CYP4Z1: variants seen among roughly 807,000 people sequenced by gnomAD.
The protein encoded by CYP4Z1 is cytochrome P450 family 4 subfamily Z member 1, also known as cytochrome P450 4Z1.
CYP4Z1 carries 41 observed loss-of-function variants against 54.2 expected under a neutral mutation model. The observed-to-expected ratio is 0.76, with a 90% CI of 0.59 to 0.98. The LOEUF is 0.98. CYP4Z1 is among the 50% of genes least tolerant of loss of function. CYP4Z1 has a pLI of 0.00. For missense variants in CYP4Z1, 513 were observed against 599.0 expected (o/e 0.86, Z 1.50); for synonymous variants, 163 against 206.2 (o/e 0.79, Z 1.79).
At chr1:47,060,402 G>A in the CYP4Z1 span, among the ~76,000 whole-genome samples, 2 of 151,876 alleles carry the variant, frequency 1.3e-5, no homozygotes, top group African/African-American at 4.8e-5. Context: ...ATAAAAGCAG[G>A]GACTGCAATC....
Position 47,099,299 on chromosome 1 carries a change from C to T in CYP4Z1, c.1067+15C>T. 6.4e-7 allele frequency: 1 copy of T among 1,561,082 alleles called. No individual in the cohort carries two copies. The highest frequency in any genetic ancestry group is 8.6e-7 in the Non-Finnish European group (1 of 1,157,174). ...TCTATTACCTGGTAAGACCTGTATT[C>T]CTATTTCATCCTGAATTTTCCCCTT... On this transcript the variant is annotated intron_variant, in intron 8 of 11. Transcript: ENST00000334194.
chr1:47,105,239 A>G (rs1349125911), intron 8 of CYP4Z1, among the ~76,000 whole-genome samples: 1 of 152,138 alleles, frequency 6.6e-6, no homozygotes, highest in Non-Finnish European at 1.5e-5. Flanking sequence ...CTGGGGCTTC[A>G]GGGATGTGGA....
chr1:47,060,768 A>T, the CYP4Z1 span, among the ~76,000 whole-genome samples: 2 of 152,334 alleles, frequency 1.3e-5, no homozygotes, highest in Non-Finnish European at 1.5e-5. Flanking sequence ...TCATTGCCAC[A>T]TGACACATAC....
Position 47,106,216 on chromosome 1 carries a change from C to T in CYP4Z1, c.1156C>T (p.Leu386Phe). 3 of 1,613,834 alleles carry T rather than the reference C, an allele frequency of 1.9e-6. No homozygotes were observed. The highest frequency in any genetic ancestry group is 2.2e-5 in the East Asian group (1 of 44,862). ...YAPVVNISRLLDKPITFPDGR... is the reference protein window; with the variant it reads ...YAPVVNISRLFDKPITFPDGR... ...ACCGGTAGTAAACATATCCCGGTTA[C>T]TCGACAAACCCATCACCTTTCCAGA... is the stretch of plus-strand genomic sequence containing the variant. The change falls in exon 9 of 12, where the codon CTC becomes TTC. Residue 386 changes from leucine (L) to phenylalanine (F), a missense_variant. By Grantham distance (22) the Leu-to-Phe change is conservative. Coordinates refer to ENST00000334194, the MANE Select transcript of CYP4Z1 (RefSeq NM_178134.3).
intron 7 of CYP4Z1, chr1:47,097,009 G>A (rs1004847738): frequency 6.6e-6 from 1 of 151,050 alleles, no homozygotes; most frequent in Non-Finnish European, 1.5e-5. Flanking sequence ...CCCGCACCAC[G>A]TGTCCATGTG....
At position 47,094,740 on chromosome 1, in the gene CYP4Z1, G is replaced by C. The variant is rs999025741; in HGVS notation, c.876+71G>C. The C allele has an allele frequency of 4.5e-6, 5 of 1,101,528 alleles. No individual in the cohort carries two copies. In the African/African-American group the frequency reaches 8.0e-5, roughly 18 times the overall value. The allele number at this position is 1,101,528 out of a possible 1,614,324, so 68.2% of individuals were successfully genotyped here. A position where few individuals can be genotyped will look rare whatever the true frequency, so the allele number is the denominator to read the frequency against. On this transcript the variant is annotated intron_variant, in intron 7 of 11. Coordinates refer to ENST00000334194, the MANE Select transcript of CYP4Z1 (RefSeq NM_178134.3). ...AATAAAGAAATAGGCCGGGCACAGT[G>C]ACTAGCACCTGTAATCCAGCATTTT...
Position 47,082,387 on chromosome 1 carries a change from G to C in CYP4Z1, c.418G>C (p.Val140Leu), listed in dbSNP as rs1288972235. ...TAAATGGAAAAAGCACCGCCAGATTGTGAAACCTGGCTTCAACATCAGCAT... is the reference window on the plus strand; with the variant it reads ...TAAATGGAAAAAGCACCGCCAGATTCTGAAACCTGGCTTCAACATCAGCAT... Reference protein sequence around the residue: ...GSKWKKHRQIVKPGFNISILK... With the variant: ...GSKWKKHRQILKPGFNISILK... Residue 140 changes from valine (V) to leucine (L), a missense_variant, in exon 4 of 12, where the codon GTG (valine) becomes CTG (leucine). Coordinates refer to ENST00000334194, the MANE Select transcript of CYP4Z1 (RefSeq NM_178134.3). 6.2e-7 allele frequency: 1 copy of C among 1,613,624 alleles called. No individual in the cohort carries two copies. The highest frequency in any genetic ancestry group is 8.5e-7 in the Non-Finnish European group (1 of 1,179,802).
At chr1:47,056,682 C>T in the CYP4Z1 span, among the ~76,000 whole-genome samples, 6 of 152,280 alleles carry the variant, frequency 3.9e-5, no homozygotes, top group East Asian at 7.7e-4. Context: ...TAATGGCCTT[C>T]TTTGTCTCTT....
At chr1:47,072,861 C>T (rs1400782937) in intron 2 of CYP4Z1, among the ~76,000 whole-genome samples, 1 of 151,114 alleles carries the variant, frequency 6.6e-6, no homozygotes, top group Non-Finnish European at 1.5e-5. Context: ...AAGATCCTGA[C>T]CATATATAGG....
At chr1:47,089,220 A>C (rs890769416) in intron 6 of CYP4Z1, among the ~76,000 whole-genome samples, 1 of 152,178 alleles carries the variant, frequency 6.6e-6, no homozygotes, top group Non-Finnish European at 1.5e-5. Flanking sequence ...AACATATGTA[A>C]TTACATTAAA....
intron 2 of CYP4Z1, among the ~76,000 whole-genome samples, chr1:47,079,210 G>T (rs952546157): frequency 2.0e-5 from 3 of 152,176 alleles, no homozygotes; most frequent in Admixed American, 1.3e-4. Context: ...AATGCAGGCT[G>T]CCATCTTCAA....
At chr1:47,061,455 A>G in the CYP4Z1 span, among the ~76,000 whole-genome samples, 4 of 152,212 alleles carry the variant, frequency 2.6e-5, no homozygotes, top group African/African-American at 9.7e-5. Flanking sequence ...ATTTCTGGAC[A>G]CATACACCTT....
At chr1:47,116,504 C>T (rs1285240798) in intron 10 of CYP4Z1, 146 bp from the exon 11 acceptor site, 10 of 533,190 alleles carry the variant, frequency 1.9e-5, no homozygotes, top group Admixed American at 9.6e-5. Flanking sequence ...TCAAGCAGGA[C>T]TTGTAGTCTC....
At chr1:47,064,828 A>T (rs1644441511), upstream of CYP4Z1, among the ~76,000 whole-genome samples, 1 of 152,220 alleles carries the variant, frequency 6.6e-6, no homozygotes, top group Non-Finnish European at 1.5e-5. Context: ...AAGGACTGAC[A>T]TGAACTTAAG....
chr1:47,104,343 C>T (rs1301746118), intron 8 of CYP4Z1, among the ~76,000 whole-genome samples: 2 of 152,196 alleles, frequency 1.3e-5, no homozygotes, highest in African/African-American at 4.8e-5. Context: ...GCAGTGGCTA[C>T]AGTAGGCTGA....
chr1:47,112,016 A>T (rs1451940065), intron 9 of CYP4Z1, among the ~76,000 whole-genome samples: 2 of 152,176 alleles, frequency 1.3e-5, no homozygotes, highest in African/African-American at 4.8e-5. Context: ...TTAATAAAAG[A>T]ATTAAATTAA....
upstream of CYP4Z1, among the ~76,000 whole-genome samples, chr1:47,064,007 T>C (rs889306627): frequency 6.6e-6 from 1 of 151,570 alleles, no homozygotes; most frequent in Non-Finnish European, 1.5e-5. Context: ...TCAGGTAACC[T>C]GTCAAGAAAA....
chr1:47,078,676 A>C (rs1031956415), intron 2 of CYP4Z1, among the ~76,000 whole-genome samples: 1 of 131,496 alleles, frequency 7.6e-6, no homozygotes, highest in Non-Finnish European at 1.6e-5. Flanking sequence ...AAAGAAAAAA[A>C]GGTAGGAAAG....
At position 47,084,792 on chromosome 1, in the gene CYP4Z1, A is replaced by T. The variant is rs550025065; in HGVS notation, c.618-32A>T. 1.9e-4 allele frequency: 307 copies of T among 1,610,514 alleles called. 4 individuals are homozygous for T. In the Admixed American group the frequency reaches 4.9e-3, roughly 26 times the overall value. On this transcript the variant is annotated intron_variant, in intron 5 of 11. Transcript: ENST00000334194. Reference sequence around the variant, plus strand: ...TTGTTTGCCAATAACTGTGTCACCCACTAACATGTTGTTCCATCTTCCCTA... The same window carrying T: ...TTGTTTGCCAATAACTGTGTCACCCTCTAACATGTTGTTCCATCTTCCCTA...
Sources: allele counts gnomAD v4.1 joint callset (sites outside exome capture counted in the v4.1 genomes callset), GRCh38; gene constraint gnomAD v4.1.1; transcripts MANE v1.5; gene names NCBI Gene and HGNC (gene_info 2026-07-23, HGNC 2026-07-21).